Variants in NMT2 observed in about 807,000 individuals in gnomAD.
NMT2 encodes N-myristoyltransferase 2.
Under a neutral mutation model 65.4 loss-of-function variants are expected in NMT2, and 35 were observed. The ratio of observed to expected loss-of-function variants is 0.54; its 90% CI spans 0.41 to 0.71. NMT2 has a LOEUF of 0.71. Among genes scored for constraint, NMT2 ranks in the 30% least tolerant of loss-of-function variants. The pLI, the probability that NMT2 is intolerant of heterozygous loss-of-function variation, is 0.00. For missense variants in NMT2, 489 were observed against 611.3 expected, an observed-to-expected ratio of 0.80 and a Z score of 2.11; for synonymous variants, 226 against 231.8, an observed-to-expected ratio of 0.98 and a Z score of 0.23.
chr10:15,130,280 C>A lies in NMT2; in HGVS notation c.752G>T (p.Cys251Phe). The A allele has an allele frequency of 6.3e-7, 1 of 1,598,756 alleles. No homozygotes were observed. The highest frequency in any genetic ancestry group is 1.1e-5 in the South Asian group (1 of 87,836). The change falls in exon 7 of 12, where the codon TGT (cysteine) becomes TTT (phenylalanine). Residue 251 changes from cysteine (C) to phenylalanine (F), a missense_variant. Coordinates refer to ENST00000378165, the MANE Select transcript of NMT2 (RefSeq NM_004808.3). ...VKKMVEINFLCVHKKLRSKRV... is the reference protein window; with the variant it reads ...VKKMVEINFLFVHKKLRSKRV... ...TTTCGATCTCAACTTCTTATGAACACAAAGAAAGTTGATTTCTACCATCTT... is the reference window on the plus strand; with the variant it reads ...TTTCGATCTCAACTTCTTATGAACAAAAAGAAAGTTGATTTCTACCATCTT...
At chr10:15,111,681 C>T (rs1248190647) in intron 10 of NMT2, 2 of 151,418 alleles carry the variant, frequency 1.3e-5, no homozygotes, top group African/African-American at 4.9e-5. Context: ...ATTTTTATTT[C>T]TCAGGGTTTT....
intron 1 of NMT2, among the ~76,000 whole-genome samples, chr10:15,159,594 A>G (rs1375372544): frequency 2.0e-5 from 3 of 151,936 alleles, no homozygotes; most frequent in African/African-American, 7.3e-5. Context: ...TGCCAGACTG[A>G]TTTTTGTATT....
intron 1 of NMT2, chr10:15,155,263 C>T (rs771023339): frequency 2.5e-4 from 362 of 1,470,036 alleles, no homozygotes; most frequent in Non-Finnish European, 3.2e-4. Context: ...TCGAAGGAGA[C>T]GTGCCCCAAG....
At chr10:15,117,757 G>A (rs1163777573) in intron 9 of NMT2, among the ~76,000 whole-genome samples, 1 of 152,162 alleles carries the variant, frequency 6.6e-6, no homozygotes, top group African/African-American at 2.4e-5. Flanking sequence ...TGCAGAAACT[G>A]AAATTAAAAA....
At chr10:15,160,292 C>T (rs1415020365) in intron 1 of NMT2, among the ~76,000 whole-genome samples, 2 of 152,090 alleles carry the variant, frequency 1.3e-5, no homozygotes, top group Non-Finnish European at 2.9e-5. Flanking sequence ...AGACACAGAA[C>T]TGAAGATAAC....
At position 15,112,901 on chromosome 10, in the gene NMT2, G is replaced by T; in HGVS notation, c.1233C>A (p.His411Gln). 1 of 1,614,108 alleles carries T rather than the reference G, an allele frequency of 6.2e-7. No homozygotes were observed. Among genetic ancestry groups the T allele is most frequent in the Non-Finnish European group, 8.5e-7 (1 of 1,179,998 alleles). Residue 411 changes from histidine to glutamine, a missense_variant, in exon 10 of 12, where the codon CAC becomes CAA. Coordinates refer to ENST00000378165, the MANE Select transcript of NMT2 (RefSeq NM_004808.3). ...CTTTGAGGCTCTTGTGAGCAGGGTG[G>T]TGCATCACCGTGGAGGGGAGCGTAT... ...SFYTLPSTVM[H>Q]HPAHKSLKAA...
chr10:15,162,839 C>A (rs1366642311), intron 1 of NMT2, among the ~76,000 whole-genome samples: 2 of 146,560 alleles, frequency 1.4e-5, no homozygotes, highest in South Asian at 2.1e-4. Context: ...TTATATATCT[C>A]TATATATTTG....
At chr10:15,141,709 T>C (rs1813307639) in intron 1 of NMT2, 152 bp from the exon 2 acceptor site, 1 of 1,067,652 alleles carries the variant, frequency 9.4e-7, no homozygotes, top group Non-Finnish European at 1.3e-6. Flanking sequence ...TAAAAGGTAG[T>C]GGAGTGAAGA....
chr10:15,124,313 G>A (rs894969484), intron 8 of NMT2, among the ~76,000 whole-genome samples: 1 of 152,224 alleles, frequency 6.6e-6, no homozygotes, highest in African/African-American at 2.4e-5. Context: ...AGTATTTTAG[G>A]TAACAGTTGT....
chr10:15,147,325 ATGG>A (rs1266230015), intron 1 of NMT2, among the ~76,000 whole-genome samples: 4 of 152,080 alleles, frequency 2.6e-5, no homozygotes, highest in African/African-American at 9.7e-5. Context: ...TGCATGGAAA[ATGG>A]TGGGAATATA....
At chr10:15,148,098 T>C (rs1847026507) in intron 1 of NMT2, among the ~76,000 whole-genome samples, 1 of 152,150 alleles carries the variant, frequency 6.6e-6, no homozygotes, top group Admixed American at 6.5e-5. Context: ...TTAAGTAGAG[T>C]TTGACTACCT....
At chr10:15,105,739 A>C (rs1007091259), downstream of NMT2, among the ~76,000 whole-genome samples, 1 of 152,230 alleles carries the variant, frequency 6.6e-6, no homozygotes, top group African/African-American at 2.4e-5. Context: ...GTACAGTACA[A>C]TGCAGTTTTA....
chr10:15,166,019 A>G (rs920601628), intron 1 of NMT2, among the ~76,000 whole-genome samples: 6 of 152,214 alleles, frequency 3.9e-5, no homozygotes, highest in African/African-American at 1.2e-4. Context: ...AGCATTATCT[A>G]TAAAACGAAA....
chr10:15,119,899 T>C (rs2131501993), intron 8 of NMT2, among the ~76,000 whole-genome samples: 1 of 152,290 alleles, frequency 6.6e-6, no homozygotes, highest in Non-Finnish European at 1.5e-5. Flanking sequence ...ATGCCAAGAA[T>C]GTTAACAGTC....
intron 1 of NMT2, among the ~76,000 whole-genome samples, chr10:15,148,287 G>A (rs1588443554): frequency 6.6e-6 from 1 of 152,178 alleles, no homozygotes; most frequent in South Asian, 2.1e-4. Context: ...AGGCAGGAGG[G>A]CTGCTTGAGT....
At chr10:15,120,061 C>T (rs546929042) in intron 8 of NMT2, among the ~76,000 whole-genome samples, 84 of 152,300 alleles carry the variant, frequency 5.5e-4, no homozygotes, top group African/African-American at 2.0e-3. Flanking sequence ...TGATCATGTA[C>T]GGACTTTTTT....
At chr10:15,112,692 G>C (rs911029152) in intron 10 of NMT2, 104 bp downstream of exon 10, 3 of 1,092,062 alleles carry the variant, frequency 2.7e-6, no homozygotes, top group African/African-American at 1.6e-5. Flanking sequence ...TTAAAGTCTC[G>C]CATAAATTCC....
At chr10:15,147,157 T>G (rs1846996896) in intron 1 of NMT2, among the ~76,000 whole-genome samples, 1 of 145,624 alleles carries the variant, frequency 6.9e-6, no homozygotes, top group African/African-American at 2.5e-5. Context: ...GGAGCTCAAT[T>G]TTTGGTATGT....
intron 2 of NMT2, among the ~76,000 whole-genome samples, chr10:15,137,173 T>G (rs1846543091): frequency 6.6e-6 from 1 of 152,178 alleles, no homozygotes; most frequent in Non-Finnish European, 1.5e-5. Context: ...TAATTTTAAC[T>G]TGGGAAGCTT....
Sources: gnomAD v4.1 joint callset for allele counts (sites outside exome capture counted in the v4.1 genomes callset) on GRCh38, gnomAD v4.1.1 for gene constraint, MANE v1.5 for transcripts, NCBI Gene and HGNC (gene_info 2026-07-23, HGNC 2026-07-21) for gene names.